The following TFEB variants were observed in gnomAD, a reference collection of about 807,000 sequenced individuals.
TFEB encodes the protein transcription factor EB.
A neutral mutation model predicts 48.0 loss-of-function variants in TFEB; 12 were observed. That is an observed-to-expected ratio of 0.25 (90% confidence interval 0.16 to 0.40). TFEB has a LOEUF of 0.40. Ranked by LOEUF, TFEB falls within the 10% of genes least tolerant of loss-of-function variation. The pLI is 1.00. For synonymous variants in TFEB, 244 were observed against 261.4 expected, an observed-to-expected ratio of 0.93 and a Z score of 0.64; for missense variants, 509 against 640.3, an observed-to-expected ratio of 0.79 and a Z score of 2.21.
At position 41,687,901 on chromosome 6, in the gene TFEB, G is replaced by A. The variant is rs761390092; in HGVS notation, c.670+7C>T. ...TTCAAAGGCACAGGGGTAGAGGGAG[G>A]CAGTACCTGTGAGCTCTCGCTTCTG... On this transcript the variant is annotated splice_region_variant and intron_variant, in intron 5 of 8. Transcript: ENST00000373033. 1 of 1,613,046 alleles carries A rather than the reference G, an allele frequency of 6.2e-7. No homozygotes were observed. Among genetic ancestry groups the A allele is most frequent in the Non-Finnish European group, 8.5e-7 (1 of 1,179,310 alleles).
intron 1 of TFEB, among the ~76,000 whole-genome samples, chr6:41,695,328 A>G (rs189561483): frequency 1.7e-4 from 26 of 152,358 alleles, no homozygotes; most frequent in East Asian, 1.3e-3. Context: ...ACACCTTAGT[A>G]TGAACCAGCC....
intron 4 of TFEB, among the ~76,000 whole-genome samples, chr6:41,689,302 A>C (rs890723309): frequency 9.8e-5 from 15 of 152,300 alleles, no homozygotes; most frequent in Admixed American, 6.5e-4. Context: ...TAAGAGACAC[A>C]GACAGGCTTT....
At chr6:41,712,624 C>T (rs925422607) in intron 1 of TFEB, among the ~76,000 whole-genome samples, 1 of 152,216 alleles carries the variant, frequency 6.6e-6, no homozygotes, top group Non-Finnish European at 1.5e-5. Context: ...TTCCTCCTCA[C>T]CAGGGGCCCA....
intron 1 of TFEB, chr6:41,732,884 T>C (rs1192622199): frequency 1.3e-5 from 13 of 985,572 alleles, no homozygotes; most frequent in Admixed American, 6.2e-5. Flanking sequence ...AGGCCCCAAG[T>C]GCTGACTGCC....
intron 1 of TFEB, among the ~76,000 whole-genome samples, chr6:41,717,172 A>G (rs1770774511): frequency 1.3e-5 from 2 of 152,196 alleles, no homozygotes; most frequent in South Asian, 2.1e-4. Context: ...CTCACCTGTG[A>G]CATGGGTCCC....
intron 1 of TFEB, among the ~76,000 whole-genome samples, chr6:41,706,266 G>T (rs1475812635): frequency 6.6e-6 from 1 of 152,224 alleles, no homozygotes; most frequent in Non-Finnish European, 1.5e-5. Context: ...AGAGCAGGGA[G>T]GTGGGGGGCA....
At chr6:41,689,845 C>T (rs1454859248) in intron 3 of TFEB, 34 bp from the exon 4 acceptor site, 18 of 1,583,152 alleles carry the variant, frequency 1.1e-5, no homozygotes, top group Non-Finnish European at 1.6e-5. Context: ...GGGGAGGGCC[C>T]ACCACGAGGT....
At chr6:41,699,535 T>C (rs192851555) in intron 1 of TFEB, among the ~76,000 whole-genome samples, 1 of 152,332 alleles carries the variant, frequency 6.6e-6, no homozygotes, top group Admixed American at 6.5e-5. Context: ...TCTTTTAAGA[T>C]TTTCTTTTCC....
rs115331470 is a variant in TFEB, at chr6:41,726,357, C to T, written c.-23+8993G>A. ...TATCGTACAGTCAGGATAGTGATTA[C>T]CTCTGGGGGTGGAGGGCACATGAGT... On this transcript the variant is annotated intron_variant, in intron 1 of 8. Coordinates refer to ENST00000373033, the MANE Select transcript of TFEB (RefSeq NM_001271944.2). Among the ~76,000 whole-genome samples, 652 of 152,302 alleles carry T rather than the reference C, an allele frequency of 4.3e-3. 9 individuals are homozygous for T. Among genetic ancestry groups the T allele is most frequent in the African/African-American group, 0.015 (615 of 41,550 alleles).
intron 1 of TFEB, chr6:41,705,935 C>T (rs1166488152): frequency 6.6e-6 from 1 of 152,398 alleles, no homozygotes; most frequent in Non-Finnish European, 1.5e-5. Flanking sequence ...CTCGTCAGCT[C>T]ACACCCCTGG....
At chr6:41,717,941 T>TA (rs763967915) in intron 1 of TFEB, among the ~76,000 whole-genome samples, 23 of 152,168 alleles carry the variant, frequency 1.5e-4, no homozygotes, top group Non-Finnish European at 2.6e-4. Flanking sequence ...TGAGATACCC[T>TA]AGAGTATATA....
chr6:41,709,103 T>C (rs1770367576), intron 1 of TFEB, among the ~76,000 whole-genome samples: 1 of 152,222 alleles, frequency 6.6e-6, no homozygotes, highest in South Asian at 2.1e-4. Flanking sequence ...GCTCCTAGGA[T>C]AGAGCTATAG....
chr6:41,736,100 A>C (rs765055918), upstream of TFEB: 2 of 1,612,198 alleles, frequency 1.2e-6, no homozygotes, highest in African/African-American at 1.3e-5. Context: ...TGACAGTAGA[A>C]GGCAGCCTGC....
At chr6:41,732,816 C>T in intron 1 of TFEB, 1 of 985,962 alleles carries the variant, frequency 1.0e-6, no homozygotes, top group Non-Finnish European at 1.2e-6. Flanking sequence ...AACTCCCACC[C>T]TCCGATCAGA....
upstream of TFEB, chr6:41,736,002 G>A (rs955734485): frequency 2.9e-6 from 3 of 1,035,126 alleles, no homozygotes; most frequent in Non-Finnish European, 3.0e-6. Context: ...CAGGAGTAGG[G>A]TGCAGGACCT....
intron 1 of TFEB, among the ~76,000 whole-genome samples, chr6:41,694,187 G>A (rs1769460106): frequency 6.6e-6 from 1 of 152,176 alleles, no homozygotes; most frequent in Non-Finnish European, 1.5e-5. Context: ...AGGAGAGCCT[G>A]GGCTGGACCC....
chr6:41,689,756 T>C lies in TFEB; in HGVS notation c.524A>G (p.Asn175Ser), dbSNP rs1463483509. 1 of 1,613,978 alleles carries C rather than the reference T, an allele frequency of 6.2e-7. No homozygotes were observed. Among genetic ancestry groups the C allele is most frequent in the African/African-American group, 1.3e-5 (1 of 74,906 alleles). The change falls in exon 4 of 9, where the codon AAT (asparagine) becomes AGT (serine). Residue 175 changes from asparagine to serine, a missense_variant. Physicochemically the swap from Asn to Ser is conservative, Grantham distance 46. This residue lies in a region of TFEB where 251 missense variants were observed against 317.2 expected (regional missense o/e 0.79). Coordinates refer to ENST00000373033, the MANE Select transcript of TFEB (RefSeq NM_001271944.2). ...MRLDDVLGYI[N>S]PEMQMPNTLP... ...CGTGTTGGGCATCTGCATTTCAGGA[T>C]TGATGTAGCCAAGGACATCGTCCAG...
chr6:41,686,382 GT>G (rs1265291527), intron 7 of TFEB, 145 bp from the exon 8 acceptor site: 10 of 1,016,280 alleles, frequency 9.8e-6, no homozygotes, highest in Non-Finnish European at 1.4e-5. Flanking sequence ...GCTGATCTCA[GT>G]TTGCACAGAA....
intron 1 of TFEB, among the ~76,000 whole-genome samples, chr6:41,716,117 T>C (rs1770724552): frequency 6.6e-6 from 1 of 152,236 alleles, no homozygotes; most frequent in Admixed American, 6.5e-5. Context: ...AGGCAGTTCA[T>C]ACAGTATTAT....
Sources: gnomAD v4.1 joint callset for allele counts (sites outside exome capture counted in the v4.1 genomes callset) on GRCh38, gnomAD v4.1.1 for gene constraint, gnomAD v4.1.1 regional missense constraint, MANE v1.5 for transcripts, NCBI Gene and HGNC (gene_info 2026-07-23, HGNC 2026-07-21) for gene names.